The following SOX6 variants were observed in gnomAD, a reference collection of about 807,000 sequenced individuals.
SOX6 encodes the protein transcription factor SOX-6.
In SOX6, 11 loss-of-function variants were observed where a neutral mutation model predicts 97.8. That is an observed-to-expected ratio of 0.11 (90% CI 0.07 to 0.19). SOX6 has a LOEUF of 0.19. SOX6 is among the 10% of genes least tolerant of loss of function. The probability of loss-of-function intolerance (pLI) is 1.00; values close to 1 mark genes in which losing one functional copy is unlikely to be tolerated. For synonymous variants in SOX6, 360 were observed against 371.4 expected (o/e 0.97, Z 0.35); for missense variants, 810 against 1,039.5 (o/e 0.78, Z 3.04).
At chr11:16,290,193 A>G (rs1229914754) in intron 3 of SOX6, among the ~76,000 whole-genome samples, 1 of 151,930 alleles carries the variant, frequency 6.6e-6, no homozygotes, top group Admixed American at 6.6e-5. Flanking sequence ...AACAAACACA[A>G]CCAAAGCACA....
chr11:16,309,493 A>G (rs1398072016), intron 3 of SOX6, among the ~76,000 whole-genome samples: 1 of 152,152 alleles, frequency 6.6e-6, no homozygotes, highest in Non-Finnish European at 1.5e-5. Flanking sequence ...ATTGGAAACT[A>G]TTTTAAAACA....
intron 1 of SOX6, among the ~76,000 whole-genome samples, chr11:16,467,296 C>G (rs1430606987): frequency 2.0e-5 from 3 of 152,052 alleles, no homozygotes; most frequent in Non-Finnish European, 2.9e-5. Flanking sequence ...GGTATGTACC[C>G]AAAGGAATAT....
chr11:16,147,616 A>C (rs1405766587), intron 6 of SOX6, among the ~76,000 whole-genome samples: 1 of 152,132 alleles, frequency 6.6e-6, no homozygotes, highest in African/African-American at 2.4e-5. Context: ...TTTGCTTTTT[A>C]TGTCACTTCC....
At chr11:16,236,665 A>G (rs1191422338) in intron 3 of SOX6, among the ~76,000 whole-genome samples, 1 of 152,032 alleles carries the variant, frequency 6.6e-6, no homozygotes, top group Non-Finnish European at 1.5e-5. Context: ...TAATAATAAC[A>G]AATTCAGAGC....
At chr11:16,308,566 G>T (rs1175893263) in intron 3 of SOX6, among the ~76,000 whole-genome samples, 1 of 152,082 alleles carries the variant, frequency 6.6e-6, no homozygotes, top group South Asian at 2.1e-4. Context: ...AGCTAATGTC[G>T]ACTGTTTGGC....
At chr11:16,103,478 A>T (rs1849000137) in intron 7 of SOX6, among the ~76,000 whole-genome samples, 3 of 151,988 alleles carry the variant, frequency 2.0e-5, no homozygotes, top group Non-Finnish European at 2.9e-5. Context: ...TAAAGAACTA[A>T]AAGTAGACCT....
intron 4 of SOX6, among the ~76,000 whole-genome samples, chr11:16,552,706 G>C (rs113107555): frequency 1.1e-4 from 16 of 152,210 alleles, no homozygotes; most frequent in African/African-American, 1.9e-4. Flanking sequence ...ATAGAGGTTT[G>C]GGATTTTTTG....
At chr11:16,689,302 T>C (rs985280754) in intron 3 of SOX6, among the ~76,000 whole-genome samples, 2 of 152,106 alleles carry the variant, frequency 1.3e-5, no homozygotes, top group Non-Finnish European at 2.9e-5. Flanking sequence ...CTAGCCACAC[T>C]GACCTCCCTG....
At chr11:16,398,438 C>T (rs1858429424) in intron 1 of SOX6, among the ~76,000 whole-genome samples, 1 of 151,230 alleles carries the variant, frequency 6.6e-6, no homozygotes, top group South Asian at 2.1e-4. Flanking sequence ...TTCATCGTAC[C>T]GGGTGTGGGG....
intron 2 of SOX6, among the ~76,000 whole-genome samples, chr11:16,320,479 T>C (rs1434652543): frequency 6.6e-6 from 1 of 152,128 alleles, no homozygotes; most frequent in Non-Finnish European, 1.5e-5. Flanking sequence ...TGGGATACAA[T>C]GGATTTTCAG....
chr11:16,606,997 C>G (rs936383861), intron 4 of SOX6, among the ~76,000 whole-genome samples: 4 of 152,064 alleles, frequency 2.6e-5, no homozygotes, highest in African/African-American at 4.8e-5. Flanking sequence ...GTCGGCCCCT[C>G]GGAGCGCCCT....
At chr11:16,732,273 A>G (rs1848356141) in intron 2 of SOX6, among the ~76,000 whole-genome samples, 2 of 152,154 alleles carry the variant, frequency 1.3e-5, no homozygotes, top group Non-Finnish European at 2.9e-5. Context: ...GAGCCCATAT[A>G]CCCCAGACAA....
chr11:16,069,020 T>C (rs1291105526), intron 9 of SOX6, among the ~76,000 whole-genome samples: 2 of 152,206 alleles, frequency 1.3e-5, no homozygotes, highest in African/African-American at 2.4e-5. Context: ...CTTGCCTCTA[T>C]CTTCTTGGAA....
chr11:16,319,589 G>T (rs537576601), intron 2 of SOX6, among the ~76,000 whole-genome samples: 15 of 149,710 alleles, frequency 1.0e-4, no homozygotes, highest in African/African-American at 3.7e-4. Flanking sequence ...GATAACATGC[G>T]GCGTTTGGTT....
chr11:16,057,744 C>G (rs78889254), intron 9 of SOX6, among the ~76,000 whole-genome samples: 1,844 of 152,192 alleles, frequency 0.012, 36 homozygotes, highest in African/African-American at 0.042. Context: ...ATTCTTCTCA[C>G]TTAGTTGTAG....
chr11:16,665,396 G>A (rs766572835), intron 3 of SOX6, among the ~76,000 whole-genome samples: 13 of 152,162 alleles, frequency 8.5e-5, no homozygotes, highest in Non-Finnish European at 1.9e-4. Flanking sequence ...AACATTTGTG[G>A]TAGCAAGGCA....
At chr11:16,179,529 A>C (rs1851290895) in intron 6 of SOX6, among the ~76,000 whole-genome samples, 1 of 151,940 alleles carries the variant, frequency 6.6e-6, no homozygotes, top group East Asian at 1.9e-4. Flanking sequence ...GATAAGACAA[A>C]GAATATTTGC....
At chr11:16,713,115 CTGAATCAGA>C (rs1848193651) in intron 3 of SOX6, among the ~76,000 whole-genome samples, 1 of 152,178 alleles carries the variant, frequency 6.6e-6, no homozygotes, top group South Asian at 2.1e-4. Context: ...TTTCTGATTT[CTGAATCAGA>C]TTTTTTCTTA....
At chr11:16,245,587 T>C (rs1853312706) in intron 3 of SOX6, among the ~76,000 whole-genome samples, 1 of 151,754 alleles carries the variant, frequency 6.6e-6, no homozygotes, top group Non-Finnish European at 1.5e-5. Context: ...TCTGTCATTA[T>C]TTTGCTTCAT....
Sources: allele counts gnomAD v4.1 joint callset (sites outside exome capture counted in the v4.1 genomes callset), GRCh38; gene constraint gnomAD v4.1.1; transcripts MANE v1.5; gene names NCBI Gene and HGNC (gene_info 2026-07-23, HGNC 2026-07-21).